The following PDE4D variants were observed in gnomAD, a reference collection of about 807,000 sequenced individuals.
PDE4D encodes 3',5'-cyclic-AMP phosphodiesterase 4D.
In PDE4D, 24 loss-of-function variants were observed where a neutral mutation model predicts 87.4. The observed-to-expected ratio is 0.27, with a 90% CI of 0.20 to 0.39. The LOEUF (loss-of-function observed/expected upper bound fraction) is 0.39. Ranked by LOEUF, PDE4D falls within the 10% of genes least tolerant of loss-of-function variation. The probability of loss-of-function intolerance (pLI) is 1.00; values close to 1 mark genes in which losing one functional copy is unlikely to be tolerated. For synonymous variants in PDE4D, 384 were observed against 383.2 expected (o/e 1.00, Z -0.02); for missense variants, 714 against 1,041.0 (o/e 0.69, Z 4.32).
At chr5:60,021,502 T>C (rs1406237568) in intron 2 of PDE4D, among the ~76,000 whole-genome samples, 3 of 152,216 alleles carry the variant, frequency 2.0e-5, no homozygotes, top group Non-Finnish European at 4.4e-5. Context: ...CAGAGTGCTG[T>C]GCAAAGCTGC....
At chr5:60,075,098 T>C (rs1329523780) in intron 2 of PDE4D, among the ~76,000 whole-genome samples, 1 of 152,172 alleles carries the variant, frequency 6.6e-6, no homozygotes, top group East Asian at 1.9e-4. Flanking sequence ...CTTTATAGAG[T>C]CACTGGTCTG....
chr5:59,255,347 C>A (rs1014389798), intron 1 of PDE4D, among the ~76,000 whole-genome samples: 1 of 151,908 alleles, frequency 6.6e-6, no homozygotes, highest in Non-Finnish European at 1.5e-5. Flanking sequence ...ATGAAACATT[C>A]AGAGTAGGCA....
At chr5:59,010,446 G>A (rs1258146042) in intron 6 of PDE4D, among the ~76,000 whole-genome samples, 1 of 151,052 alleles carries the variant, frequency 6.6e-6, no homozygotes, top group Admixed American at 6.6e-5. Flanking sequence ...GTAAAATATT[G>A]TCCTTTTTTG....
intron 1 of PDE4D, among the ~76,000 whole-genome samples, chr5:59,308,868 G>A (rs1404829246): frequency 5.3e-5 from 8 of 151,926 alleles, no homozygotes; most frequent in Admixed American, 2.6e-4. Flanking sequence ...CATCAGGTGG[G>A]GGCAAGGCTA....
intron 5 of PDE4D, among the ~76,000 whole-genome samples, chr5:59,156,082 T>C (rs911753582): frequency 2.6e-5 from 4 of 151,864 alleles, no homozygotes; most frequent in African/African-American, 9.7e-5. Context: ...GGTCTTGACT[T>C]TGTTGGAATT....
chr5:59,401,466 A>ATCTG (rs1409265620), intron 1 of PDE4D, among the ~76,000 whole-genome samples: 4 of 125,898 alleles, frequency 3.2e-5, no homozygotes, highest in Non-Finnish European at 7.1e-5. Flanking sequence ...CTATCTATCT[A>ATCTG]TCTATCTATC....
intron 1 of PDE4D, among the ~76,000 whole-genome samples, chr5:59,336,171 C>G (rs1777621734): frequency 6.6e-6 from 1 of 152,126 alleles, no homozygotes; most frequent in Non-Finnish European, 1.5e-5. Flanking sequence ...AATTGGTACC[C>G]ACAAGCTTCA....
rs547453012 is a variant in PDE4D at position 59,448,395 on chromosome 5, G to A, written c.456-232427C>T. Among the ~76,000 whole-genome samples, 21 of 152,244 alleles carry A rather than the reference G, an allele frequency of 1.4e-4. No individual in the cohort carries two copies. In the South Asian group the frequency reaches 4.1e-3, roughly 30 times the overall value. On this transcript the variant is annotated intron_variant, in intron 1 of 14. Transcript: ENST00000340635. ...GTCTCTTCCCATTGTTACTCCCTTA[G>A]TAAGCAGTGCTTGAGAGTGCAGGTT... is the stretch of plus-strand genomic sequence containing the variant.
intron 5 of PDE4D, among the ~76,000 whole-genome samples, chr5:59,045,688 C>T (rs1580495171): frequency 6.6e-6 from 1 of 151,940 alleles, no homozygotes; most frequent in South Asian, 2.1e-4. Flanking sequence ...AAAGACTGGC[C>T]ATGTCAGGCA....
At chr5:59,934,136 T>C (rs1277883264) in intron 3 of PDE4D, among the ~76,000 whole-genome samples, 1 of 152,046 alleles carries the variant, frequency 6.6e-6, no homozygotes, top group African/African-American at 2.4e-5. Flanking sequence ...CTGGCTAATT[T>C]TTGTATTTTT....
chr5:60,271,189 A>G (rs1262784571), intron 1 of PDE4D, among the ~76,000 whole-genome samples: 2 of 152,206 alleles, frequency 1.3e-5, no homozygotes, highest in Non-Finnish European at 2.9e-5. Flanking sequence ...CACATTAAAA[A>G]TTCTTCAAAA....
chr5:59,802,858 A>G (rs144742387), intron 1 of PDE4D, among the ~76,000 whole-genome samples: 2 of 152,326 alleles, frequency 1.3e-5, no homozygotes, highest in East Asian at 3.9e-4. Flanking sequence ...GCTCCCTGCT[A>G]GGCAGTGCAG....
intron 5 of PDE4D, among the ~76,000 whole-genome samples, chr5:59,061,840 G>A (rs1763160901): frequency 6.6e-6 from 1 of 152,090 alleles, no homozygotes; most frequent in Non-Finnish European, 1.5e-5. Context: ...TCACAGCAGT[G>A]AAAGCCTGCA....
chr5:60,362,198 A>T (rs1760133280), intron 1 of PDE4D, among the ~76,000 whole-genome samples: 1 of 152,200 alleles, frequency 6.6e-6, no homozygotes, highest in African/African-American at 2.4e-5. Flanking sequence ...TAAACCAAAA[A>T]GTGTCATGAG....
chr5:60,156,711 AT>A (rs1782011155), intron 2 of PDE4D, among the ~76,000 whole-genome samples: 2 of 152,120 alleles, frequency 1.3e-5, no homozygotes, highest in South Asian at 4.1e-4. Context: ...TTCTGTTAAT[AT>A]TTTGGCACAA....
Position 58,975,839 on chromosome 5 carries a change from C to A in PDE4D, c.1831G>T (p.Val611Phe). 1 of 1,467,754 alleles carries A rather than the reference C, an allele frequency of 6.8e-7. No individual in the cohort carries two copies. Among genetic ancestry groups the A allele is most frequent in the Non-Finnish European group, 9.1e-7 (1 of 1,104,058 alleles). The allele number at this position is 1,467,754 out of a possible 1,614,324, so 90.9% of individuals were successfully genotyped here. A position where few individuals can be genotyped will look rare whatever the true frequency, so the allele number is the denominator to read the frequency against. The stretch of plus-strand genomic sequence containing the variant: ...GCACAGTGCACCATATTCTGAAGAA[C>A]CTAAAATAGATGGATGCATTCTCTA... ...LLDNYSDRIQ[V>F]LQNMVHCADL... Residue 611 changes from valine to phenylalanine, a missense_variant and splice_region_variant, in exon 14 of 15, where the codon GTT becomes TTT. Val to Phe is a conservative substitution (Grantham distance 50). Around this residue, in one of 7 missense-constraint regions of PDE4D, gnomAD observed 97 missense variants for 176.9 expected, o/e 0.55. Transcript: ENST00000340635. This position sits in a 1 kb window ranked among gnomAD's most constrained non-coding sequence, Gnocchi z 4.2.
At chr5:59,070,454 T>C (rs530812996) in intron 5 of PDE4D, among the ~76,000 whole-genome samples, 25 of 152,318 alleles carry the variant, frequency 1.6e-4, no homozygotes, top group African/African-American at 5.5e-4. Context: ...GATATAACTT[T>C]ACAGTTACTT....
At chr5:59,895,568 A>G (rs1751543779), upstream of PDE4D, among the ~76,000 whole-genome samples, 1 of 152,260 alleles carries the variant, frequency 6.6e-6, no homozygotes. Context: ...CTAGGAGGGC[A>G]CTAAGCCAGT....
At chr5:60,443,294 T>C (rs1454297857) in intron 1 of PDE4D, among the ~76,000 whole-genome samples, 1 of 151,826 alleles carries the variant, frequency 6.6e-6, no homozygotes, top group African/African-American at 2.4e-5. Context: ...AGTTTGGAGG[T>C]AAAAAGAAAA....
Sources: gnomAD v4.1 joint callset for allele counts (sites outside exome capture counted in the v4.1 genomes callset) on GRCh38, gnomAD v4.1.1 for gene constraint, gnomAD v4.1.1 regional missense constraint, Gnocchi (gnomAD v3.1) non-coding constraint, MANE v1.5 for transcripts, NCBI Gene and HGNC (gene_info 2026-07-23, HGNC 2026-07-21) for gene names.